PALM2AKAP2: variants seen among roughly 807,000 people sequenced by gnomAD.
PALM2AKAP2 encodes the protein PALM2 and AKAP2 fusion.
PALM2AKAP2 carries 37 observed loss-of-function variants against 71.5 expected under a neutral mutation model. That is an observed-to-expected ratio of 0.52 (90% CI 0.40 to 0.68). PALM2AKAP2 has a LOEUF of 0.68. PALM2AKAP2 is among the 30% of genes least tolerant of loss of function. The pLI is 0.00. For synonymous variants in PALM2AKAP2, 468 were observed against 478.8 expected (o/e 0.98, Z 0.29); for missense variants, 1,224 against 1,191.8 (o/e 1.03, Z -0.40).
chr9:110,108,806 A>G (rs929884064), intron 1 of PALM2AKAP2, among the ~76,000 whole-genome samples: 10 of 152,220 alleles, frequency 6.6e-5, no homozygotes, highest in Non-Finnish European at 1.5e-4. Flanking sequence ...CGACAATAAA[A>G]GAAAGTGTAT....
chr9:109,925,959 C>T (rs1830947720), intron 5 of PALM2AKAP2, among the ~76,000 whole-genome samples: 1 of 152,166 alleles, frequency 6.6e-6, no homozygotes, highest in Non-Finnish European at 1.5e-5. Context: ...GTACTGCCAG[C>T]ACTTTGGAAG....
intron 1 of PALM2AKAP2, among the ~76,000 whole-genome samples, chr9:110,054,108 G>A (rs1473931719): frequency 6.6e-6 from 1 of 152,220 alleles, no homozygotes; most frequent in African/African-American, 2.4e-5. Context: ...CTATAAAAAT[G>A]GAGATACCAG....
intron 2 of PALM2AKAP2, among the ~76,000 whole-genome samples, chr9:110,155,094 A>C (rs1836413966): frequency 6.6e-6 from 1 of 152,238 alleles, no homozygotes; most frequent in Non-Finnish European, 1.5e-5. Flanking sequence ...AGGTTGTGCC[A>C]GTAAAGGGCT....
chr9:109,747,118 A>G (rs1828815102), intron 1 of PALM2AKAP2, among the ~76,000 whole-genome samples: 1 of 152,226 alleles, frequency 6.6e-6, no homozygotes, highest in East Asian at 1.9e-4. Flanking sequence ...TAATAATAAA[A>G]GCCAATATTT....
At chr9:110,025,399 C>CTTTTTTTTTTTTTTTTTTTTTTTTT in intron 7 of PALM2AKAP2, 1 of 586,804 alleles carries the variant, frequency 1.7e-6, no homozygotes, top group Non-Finnish European at 3.0e-6. Context: ...GCCCGAAAGG[C>CTTTTTTTTTTTTTTTTTTTTTTTTT]TTTTTTTTTT....
chr9:110,007,065 C>T (rs1832798165), intron 6 of PALM2AKAP2, among the ~76,000 whole-genome samples: 1 of 152,100 alleles, frequency 6.6e-6, no homozygotes, highest in African/African-American at 2.4e-5. Context: ...TTGGGGAAAG[C>T]TTCTTTTTTC....
In PALM2AKAP2 at chr9:109,748,490, C is replaced by T. The variant is rs77500557; in HGVS notation, c.6-31998C>T. On this transcript the variant is annotated intron_variant, in intron 1 of 6. Coordinates refer to the PALM2AKAP2 transcript ENST00000374531. The stretch of plus-strand genomic sequence containing the variant: ...TCAGGAGTCTAAAAGATGGCGATCC[C>T]AGTTTACCTTTGCTTTTATTCTACT... Among the ~76,000 whole-genome samples the T allele has an allele frequency of 1.8e-3, 279 of 152,238 alleles. 4 individuals carry two copies. In the East Asian group the frequency reaches 0.027, roughly 15 times the overall value.
intron 1 of PALM2AKAP2, among the ~76,000 whole-genome samples, chr9:109,828,734 G>A (rs1239349741): frequency 6.6e-6 from 1 of 152,238 alleles, no homozygotes; most frequent in Non-Finnish European, 1.5e-5. Flanking sequence ...TTTTGTAAGA[G>A]AAAGTGAATG....
intron 6 of PALM2AKAP2, among the ~76,000 whole-genome samples, chr9:109,960,793 G>T (rs1395453789): frequency 6.6e-6 from 1 of 152,194 alleles, no homozygotes; most frequent in African/African-American, 2.4e-5. Flanking sequence ...CTCTTACCAG[G>T]CCAGAGGAGA....
intron 1 of PALM2AKAP2, among the ~76,000 whole-genome samples, chr9:109,859,267 G>A (rs1002664364): frequency 1.3e-5 from 2 of 152,218 alleles, no homozygotes; most frequent in African/African-American, 4.8e-5. Flanking sequence ...TACAAGAAGT[G>A]GAGAAGGGAG....
chr9:109,653,675 G>A (rs1179296513), intron 1 of PALM2AKAP2, among the ~76,000 whole-genome samples: 1 of 152,184 alleles, frequency 6.6e-6, no homozygotes, highest in Non-Finnish European at 1.5e-5. Context: ...GGGTTCCTGT[G>A]TTCCCAACAA....
At chr9:109,890,231 T>A (rs1056522670) in intron 3 of PALM2AKAP2, among the ~76,000 whole-genome samples, 2 of 152,208 alleles carry the variant, frequency 1.3e-5, no homozygotes, top group African/African-American at 4.8e-5. Context: ...ATTTGGTACA[T>A]CCATCACAAG....
At chr9:110,112,638 C>T (rs1012603553) in intron 1 of PALM2AKAP2, among the ~76,000 whole-genome samples, 1 of 152,174 alleles carries the variant, frequency 6.6e-6, no homozygotes, top group Non-Finnish European at 1.5e-5. Context: ...ATCTTGAAGC[C>T]GGTCTTCCTT....
chr9:109,685,307 C>A (rs571430941), intron 1 of PALM2AKAP2, among the ~76,000 whole-genome samples: 169 of 152,144 alleles, frequency 1.1e-3, no homozygotes, highest in African/African-American at 3.8e-3. Flanking sequence ...TCATTTTATG[C>A]AAATTATACC....
At chr9:110,067,017 G>A (rs778022665) in intron 1 of PALM2AKAP2, among the ~76,000 whole-genome samples, 2 of 152,062 alleles carry the variant, frequency 1.3e-5, no homozygotes, top group Non-Finnish European at 2.9e-5. Context: ...TCAGATAATA[G>A]ATAATAATAA....
intron 3 of PALM2AKAP2, among the ~76,000 whole-genome samples, chr9:109,903,459 C>T (rs1036290176): frequency 6.6e-6 from 1 of 152,096 alleles, no homozygotes; most frequent in African/African-American, 2.4e-5. Flanking sequence ...CTAGAAGGCC[C>T]GAATCCCTGG....
chr9:109,752,119 A>G (rs1828895209), intron 1 of PALM2AKAP2, among the ~76,000 whole-genome samples: 1 of 152,260 alleles, frequency 6.6e-6, no homozygotes, highest in South Asian at 2.1e-4. Flanking sequence ...TGTAGTGCAT[A>G]TCTCTTGGTG....
At chr9:110,169,880 C>T (rs1383285473) in exon 4 of PALM2AKAP2, 2 of 152,384 alleles carry the variant, frequency 1.3e-5, no homozygotes, top group Non-Finnish European at 2.9e-5. Flanking sequence ...GTAATTCCTC[C>T]AGAGCTGTTT....
intron 1 of PALM2AKAP2, among the ~76,000 whole-genome samples, chr9:109,808,080 AG>A (rs2131427665): frequency 6.6e-6 from 1 of 152,336 alleles, no homozygotes; most frequent in African/African-American, 2.4e-5. Context: ...CGTCTTTATT[AG>A]CAGTGTGTGA....
Sources: allele counts gnomAD v4.1 joint callset (sites outside exome capture counted in the v4.1 genomes callset), GRCh38; gene constraint gnomAD v4.1.1; transcripts MANE v1.5; gene names NCBI Gene and HGNC (gene_info 2026-07-23, HGNC 2026-07-21).